LGALS8: variants seen among roughly 807,000 people sequenced by gnomAD.
LGALS8 encodes galectin 8.
LGALS8 carries 30 observed loss-of-function variants against 35.9 expected under a neutral mutation model. The observed-to-expected ratio is 0.83, with a 90% confidence interval of 0.62 to 1.13. The LOEUF is 1.13. Among genes scored for constraint, LGALS8 ranks in the 50% most tolerant of loss-of-function variants. LGALS8 has a pLI of 0.00. For missense variants in LGALS8, 366 were observed against 388.7 expected (o/e 0.94, Z 0.49); for synonymous variants, 138 against 136.1 (o/e 1.01, Z -0.10).
chr1:236,534,263 G>T (rs1661328976), intron 2 of LGALS8, among the ~76,000 whole-genome samples: 1 of 152,122 alleles, frequency 6.6e-6, no homozygotes, highest in South Asian at 2.1e-4. Context: ...TGTTTCCTGG[G>T]TGTCTGTTAT....
At chr1:236,530,792 A>C (rs1352857012) in intron 2 of LGALS8, among the ~76,000 whole-genome samples, 1 of 152,238 alleles carries the variant, frequency 6.6e-6, no homozygotes, top group Non-Finnish European at 1.5e-5. Context: ...TTTCCTTTTA[A>C]AAAAATTTAA....
chr1:236,530,603 A>G (rs907008439), intron 2 of LGALS8, among the ~76,000 whole-genome samples: 1 of 152,166 alleles, frequency 6.6e-6, no homozygotes, highest in Admixed American at 6.6e-5. Flanking sequence ...CTTCAAGACT[A>G]GGAGTTCAAA....
intron 2 of LGALS8, among the ~76,000 whole-genome samples, chr1:236,527,807 C>T (rs1660899651): frequency 1.3e-5 from 2 of 151,952 alleles, no homozygotes; most frequent in African/African-American, 4.8e-5. Flanking sequence ...GCAATCTCGG[C>T]TTACTGCAAT....
chr1:236,522,980 T>C (rs1297121697), upstream of LGALS8: 1 of 152,154 alleles, frequency 6.6e-6, no homozygotes, highest in Non-Finnish European at 1.5e-5. Flanking sequence ...CTAAAATATA[T>C]CTTTCCAAAC....
chr1:236,539,513 A>AT (rs35947609), intron 4 of LGALS8, among the ~76,000 whole-genome samples: 92,819 of 151,874 alleles, frequency 0.61, 29,258 homozygotes, highest in Non-Finnish European at 0.69. Context: ...GGATCATGAG[A>AT]TTTTAGACCC....
rs200129848 is a variant in LGALS8, at chr1:236,537,591, A to C, written c.134+6A>C. 1 of 1,575,444 alleles carries C rather than the reference A, an allele frequency of 6.3e-7. No homozygotes were observed. The highest frequency in any genetic ancestry group is 8.7e-7 in the Non-Finnish European group (1 of 1,144,012). ...GTTCCTAGTGACGCAGACAGGTAAA[A>C]TCACTGTGCTAAAGGAAGGAGCATG... is the stretch of plus-strand genomic sequence containing the variant. On this transcript the variant is annotated splice_donor_region_variant and intron_variant, in intron 3 of 9. Transcript: ENST00000366584.
chr1:236,550,899 G>T lies in LGALS8; in HGVS notation c.*2738G>T, dbSNP rs777875940. The T allele has an allele frequency of 1.1e-5, 18 of 1,589,416 alleles. No individual in the cohort carries two copies. The highest frequency in any genetic ancestry group is 1.5e-5 in the Non-Finnish European group (17 of 1,170,280). On this transcript the variant is annotated 3_prime_UTR_variant, in exon 10 of 10. Transcript: ENST00000366584. ...AGTAGAGTATGAAACACCACAGAAA[G>T]TCTTAGAAATAGCTCTGGAGTGGCT... is the stretch of plus-strand genomic sequence containing the variant.
In LGALS8 at chr1:236,552,157, ATTATC is replaced by A. The variant is rs1441716620; in HGVS notation, c.*4000_*4004del. 2.4e-6 allele frequency: 3 copies of A among 1,257,128 alleles called. No individual in the cohort carries two copies. Among genetic ancestry groups the A allele is most frequent in the Non-Finnish European group, 3.5e-6 (3 of 862,340 alleles). The allele number at this position is 1,257,128 out of a possible 1,614,324, so 77.9% of individuals were successfully genotyped here. On this transcript the variant is annotated 3_prime_UTR_variant, in exon 10 of 10. Coordinates refer to ENST00000366584, the MANE Select transcript of LGALS8 (RefSeq NM_201544.4). ...AATAAAAAGTAGTGTTACTGTATTT[ATTATC>A]TTAAGAGCTGTACTGACTTGAGACA...
Position 236,550,978 on chromosome 1 carries a change from T to A in LGALS8, c.*2817T>A, listed in dbSNP as rs766419632. On this transcript the variant is annotated 3_prime_UTR_variant, in exon 10 of 10. Transcript: ENST00000366584. The stretch of plus-strand genomic sequence containing the variant: ...AGTCTTTTGGCACTGATGTTCTACT[T>A]CTTCACATTCATCTAAAAAAAAAAA... 2 of 1,582,436 alleles carry A rather than the reference T, an allele frequency of 1.3e-6. No homozygotes were observed. The highest frequency in any genetic ancestry group is 1.7e-6 in the Non-Finnish European group (2 of 1,168,732).
In LGALS8 at chr1:236,550,876, T is replaced by TAC; in HGVS notation, c.*2716_*2717insCA. The stretch of plus-strand genomic sequence containing the variant: ...ATGAAATATGAGTGTGAACTCTGAG[T>TAC]AGAGTATGAAACACCACAGAAAGTC... On this transcript the variant is annotated 3_prime_UTR_variant, in exon 10 of 10. Transcript: ENST00000366584. The TAC allele has an allele frequency of 6.6e-7, 1 of 1,524,728 alleles. No individual in the cohort carries two copies. The highest frequency in any genetic ancestry group is 8.9e-7 in the Non-Finnish European group (1 of 1,125,236). The allele number at this position is 1,524,728 out of a possible 1,614,324, so 94.4% of individuals were successfully genotyped here.
Position 236,544,743 on chromosome 1 carries a change from TCAAAAG to T in LGALS8, c.639-5_639del, listed in dbSNP as rs1267632803. The T allele has an allele frequency of 2.5e-6, 4 of 1,572,760 alleles. No individual in the cohort carries two copies. The highest frequency in any genetic ancestry group is 2.0e-5 in the Admixed American group (1 of 49,934). On this transcript the variant is annotated splice_acceptor_variant and splice_polypyrimidine_tract_variant and intron_variant, in intron 8 of 9. Transcript: ENST00000366584. LOFTEE classifies it high-confidence loss of function. ...TAAGGTTTTTTTTTTTCTTTCTTTCTCAAAAGCTTTAATGTTGACCTACTAGCAGGA... is the reference window on the plus strand; with the variant it reads ...TAAGGTTTTTTTTTTTCTTTCTTTCTCTTTAATGTTGACCTACTAGCAGGA...
At chr1:236,524,350 C>T (rs1479042360) in intron 1 of LGALS8, 1 of 456,712 alleles carries the variant, frequency 2.2e-6, no homozygotes, top group South Asian at 1.5e-5. Context: ...GCTGTTTGCC[C>T]TGGGGTGTCT....
rs1661639364 is a variant in LGALS8 at position 236,537,736 on chromosome 1, G to A, written c.134+151G>A. 32 of 666,958 alleles carry A rather than the reference G, an allele frequency of 4.8e-5. 1 individual carries two copies. In the South Asian group the frequency reaches 5.3e-4, roughly 11 times the overall value. 41.3% of individuals were successfully genotyped at this position (666,958 alleles called of 1,614,324 possible). On this transcript the variant is annotated intron_variant, in intron 3 of 9. Coordinates refer to ENST00000366584, the MANE Select transcript of LGALS8 (RefSeq NM_201544.4). ...CCTGGCCAAGGTGCTGAGGAGATTG[G>A]AATGAATGACTAAATAAAGGTTATT...
At chr1:236,543,146 C>A in intron 7 of LGALS8, 2 of 1,011,760 alleles carry the variant, frequency 2.0e-6, no homozygotes, top group Non-Finnish European at 3.1e-6. Context: ...GCCCCCTCTG[C>A]ATTTGTGTGC....
intron 9 of LGALS8, among the ~76,000 whole-genome samples, chr1:236,547,355 A>G (rs757075908): frequency 5.7e-4 from 87 of 151,434 alleles, no homozygotes; most frequent in Non-Finnish European, 1.1e-3. Flanking sequence ...ATGGATCTGA[A>G]TTTGTAGTAT....
In LGALS8 at chr1:236,525,961, T is replaced by C. The variant is rs2103066601; in HGVS notation, c.-103-7T>C. On this transcript the variant is annotated splice_polypyrimidine_tract_variant and splice_region_variant and intron_variant, in intron 1 of 9. Transcript: ENST00000366584. ...CTTTTCTTTTCCTCTATTTTTACTTTACACAGGGCCAGTGCCTCAGTTTCA... is the reference window on the plus strand; with the variant it reads ...CTTTTCTTTTCCTCTATTTTTACTTCACACAGGGCCAGTGCCTCAGTTTCA... 3 of 670,752 alleles carry C rather than the reference T, an allele frequency of 4.5e-6. No individual in the cohort carries two copies. The highest frequency in any genetic ancestry group is 5.2e-5 in the Admixed American group (2 of 38,540). The allele number at this position is 670,752 out of a possible 1,614,324, so 41.6% of individuals were successfully genotyped here.
At chr1:236,519,226 C>A (rs1399857601), upstream of LGALS8, among the ~76,000 whole-genome samples, 2 of 142,482 alleles carry the variant, frequency 1.4e-5, no homozygotes. Context: ...CCATCACTAC[C>A]AAAAAAAAAA....
chr1:236,532,639 C>T (rs769306346), intron 2 of LGALS8, among the ~76,000 whole-genome samples: 4 of 152,032 alleles, frequency 2.6e-5, no homozygotes, highest in South Asian at 2.1e-4. Context: ...GTCAGGAGTT[C>T]GAGACCAGCC....
intron 7 of LGALS8, chr1:236,543,081 T>G: frequency 6.4e-7 from 1 of 1,564,392 alleles, no homozygotes. Flanking sequence ...ATATAAAAAT[T>G]AAGTTGTAAT....
Sources: allele counts gnomAD v4.1 joint callset (sites outside exome capture counted in the v4.1 genomes callset), GRCh38; gene constraint gnomAD v4.1.1; transcripts MANE v1.5; gene names NCBI Gene and HGNC (gene_info 2026-07-23, HGNC 2026-07-21).